Variants in SOX5 observed in about 807,000 individuals in gnomAD.
The protein encoded by SOX5 is SRY-box transcription factor 5.
In SOX5, 9 loss-of-function variants were observed where a neutral mutation model predicts 92.0. The observed-to-expected ratio is 0.10, with a 90% CI of 0.06 to 0.17. The LOEUF (loss-of-function observed/expected upper bound fraction) is 0.17. Among genes scored for constraint, SOX5 ranks in the 10% least tolerant of loss-of-function variants. SOX5 has a pLI of 1.00. For missense variants in SOX5, 642 were observed against 944.5 expected (o/e 0.68, Z 4.20); for synonymous variants, 344 against 336.3 (o/e 1.02, Z -0.25).
intron 2 of SOX5, among the ~76,000 whole-genome samples, chr12:23,872,157 C>T (rs1477728650): frequency 6.6e-5 from 8 of 121,652 alleles, no homozygotes; most frequent in African/African-American, 2.5e-4. Flanking sequence ...GCCACCACGC[C>T]CGGCTAATTT....
chr12:24,246,550 T>C (rs1300189470), intron 3 of SOX5, among the ~76,000 whole-genome samples: 1 of 152,138 alleles, frequency 6.6e-6, no homozygotes, highest in Non-Finnish European at 1.5e-5. Flanking sequence ...TTCCTTCATA[T>C]TATAAACACT....
intron 3 of SOX5, among the ~76,000 whole-genome samples, chr12:23,800,554 T>G (rs1202091225): frequency 6.6e-6 from 1 of 151,250 alleles, no homozygotes; most frequent in Non-Finnish European, 1.5e-5. Context: ...CTCTTTAAAA[T>G]TTAAAAAAAA....
intron 8 of SOX5, among the ~76,000 whole-genome samples, chr12:23,616,789 C>A (rs2137938672): frequency 6.6e-6 from 1 of 152,024 alleles, no homozygotes; most frequent in South Asian, 2.1e-4. Context: ...CTTGAGTGGA[C>A]AAAGGCCTCA....
In SOX5 at chr12:24,284,601, T is replaced by C. The variant is rs1404623372; in HGVS notation, c.-173-7289A>G. Reference sequence around the variant, plus strand: ...TTCTGCTATTTGAGTTTCTCCCTCGTCTTTCCTGGCTTCCTGCCTCAGGCA... The same window carrying C: ...TTCTGCTATTTGAGTTTCTCCCTCGCCTTTCCTGGCTTCCTGCCTCAGGCA... On this transcript the variant is annotated intron_variant, in intron 2 of 4. Transcript: ENST00000446891. Among the ~76,000 whole-genome samples the C allele has an allele frequency of 2.6e-5, 4 of 152,330 alleles. No individual in the cohort carries two copies. In the East Asian group the frequency reaches 7.7e-4, roughly 29 times the overall value.
chr12:24,166,538 A>G (rs1953431079), intron 4 of SOX5, among the ~76,000 whole-genome samples: 1 of 152,182 alleles, frequency 6.6e-6, no homozygotes, highest in South Asian at 2.1e-4. Context: ...GCCTTACACT[A>G]ATGATAAGAT....
chr12:23,625,432 G>C (rs1185935225), intron 8 of SOX5, among the ~76,000 whole-genome samples: 1 of 152,070 alleles, frequency 6.6e-6, no homozygotes, highest in Admixed American at 6.5e-5. Flanking sequence ...ACATTTGAAG[G>C]CTTGTATCTT....
chr12:24,348,981 C>T (rs1953703738), intron 2 of SOX5, among the ~76,000 whole-genome samples: 1 of 152,194 alleles, frequency 6.6e-6, no homozygotes, highest in African/African-American at 2.4e-5. Flanking sequence ...ACTGTGAGTC[C>T]ATTAAACCTC....
intron 7 of SOX5, among the ~76,000 whole-genome samples, chr12:23,653,308 G>A (rs1387124666): frequency 6.6e-6 from 1 of 150,972 alleles, no homozygotes; most frequent in Non-Finnish European, 1.5e-5. Context: ...TTTTCTGCTT[G>A]GAATAGTCTG....
chr12:24,453,194 G>A (rs1264259867), intron 1 of SOX5, among the ~76,000 whole-genome samples: 4 of 151,950 alleles, frequency 2.6e-5, no homozygotes, highest in African/African-American at 4.8e-5. Context: ...GGAAATACAT[G>A]GTTAAAGCAA....
chr12:23,538,024 C>T (rs1028442443), intron 13 of SOX5, among the ~76,000 whole-genome samples: 2 of 151,830 alleles, frequency 1.3e-5, no homozygotes, highest in South Asian at 2.1e-4. Context: ...CTCAACTCAA[C>T]GCGAATGCAC....
At chr12:23,948,944 G>A (rs1014976911) in intron 1 of SOX5, among the ~76,000 whole-genome samples, 1 of 152,054 alleles carries the variant, frequency 6.6e-6, no homozygotes, top group African/African-American at 2.4e-5. Flanking sequence ...ACTTAGAAAG[G>A]GAACAGCTCC....
chr12:23,854,978 A>G (rs1284098416), intron 2 of SOX5, among the ~76,000 whole-genome samples: 1 of 152,122 alleles, frequency 6.6e-6, no homozygotes, highest in Non-Finnish European at 1.5e-5. Context: ...GAGCTATATA[A>G]GTGTTTGTTA....
intron 3 of SOX5, among the ~76,000 whole-genome samples, chr12:23,843,262 A>G (rs537329816): frequency 1.0e-3 from 158 of 152,336 alleles, no homozygotes; most frequent in African/African-American, 3.8e-3. Flanking sequence ...CCTTGATGGT[A>G]TCTTAAAACA....
At chr12:24,206,632 G>A (rs369994816) in intron 4 of SOX5, among the ~76,000 whole-genome samples, 7 of 151,464 alleles carry the variant, frequency 4.6e-5, no homozygotes, top group African/African-American at 1.5e-4. Context: ...GTACAGCTTC[G>A]TGACTGGGAA....
At chr12:23,985,026 G>A (rs755122113) in intron 4 of SOX5, among the ~76,000 whole-genome samples, 7 of 152,104 alleles carry the variant, frequency 4.6e-5, no homozygotes, top group Non-Finnish European at 7.4e-5. Flanking sequence ...GGAGGATTAA[G>A]CATAAATGGG....
At chr12:24,457,091 C>T (rs1198075004) in intron 1 of SOX5, among the ~76,000 whole-genome samples, 1 of 152,132 alleles carries the variant, frequency 6.6e-6, no homozygotes, top group African/African-American at 2.4e-5. Context: ...AAATATAATA[C>T]TATTAAAGCT....
At chr12:24,431,407 A>G (rs879430362) in intron 1 of SOX5, among the ~76,000 whole-genome samples, 13 of 152,208 alleles carry the variant, frequency 8.5e-5, no homozygotes, top group Non-Finnish European at 1.5e-4. Context: ...GGCAAAATCA[A>G]TACATAAAAA....
chr12:24,068,675 G>A (rs1456140017), intron 4 of SOX5, among the ~76,000 whole-genome samples: 1 of 95,662 alleles, frequency 1.0e-5, no homozygotes, highest in African/African-American at 3.7e-5. Flanking sequence ...AAAGGTCAAA[G>A]TCGTATGTGT....
chr12:24,477,412 G>A (rs1434792010), intron 1 of SOX5, among the ~76,000 whole-genome samples: 1 of 152,040 alleles, frequency 6.6e-6, no homozygotes, highest in African/African-American at 2.4e-5. Flanking sequence ...GGGATTACAG[G>A]TGTAAGCCAC....
Sources: allele counts gnomAD v4.1 joint callset (sites outside exome capture counted in the v4.1 genomes callset), GRCh38; gene constraint gnomAD v4.1.1; transcripts MANE v1.5; gene names NCBI Gene and HGNC (gene_info 2026-07-23, HGNC 2026-07-21).